HYDIN: variants seen among roughly 807,000 people sequenced by gnomAD.
HYDIN encodes HYDIN axonemal central pair apparatus protein.
In HYDIN, 132 loss-of-function variants were observed where a neutral mutation model predicts 403.9. The observed-to-expected ratio is 0.33, with a 90% CI of 0.28 to 0.38. The LOEUF is 0.38. Among genes scored for constraint, HYDIN ranks in the 10% least tolerant of loss-of-function variants. The pLI is 1.00. For synonymous variants in HYDIN, 1,202 were observed against 1,891.7 expected, an observed-to-expected ratio of 0.64 and a Z score of 9.46; for missense variants, 2,827 against 5,009.5, an observed-to-expected ratio of 0.56 and a Z score of 13.15.
intron 1 of HYDIN, among the ~76,000 whole-genome samples, chr16:71,229,059 A>T (rs1422894385): frequency 6.6e-6 from 1 of 151,560 alleles, no homozygotes; most frequent in Non-Finnish European, 1.5e-5. Context: ...CACAAGGACA[A>T]AAAACCAAAC....
chr16:70,877,041 G>C (rs982910755), intron 62 of HYDIN, among the ~76,000 whole-genome samples: 3 of 150,380 alleles, frequency 2.0e-5, no homozygotes, highest in African/African-American at 7.5e-5. Flanking sequence ...GAAATTCTAA[G>C]ACTGAAAAAT....
At chr16:71,007,160 T>C (rs1218718814) in intron 23 of HYDIN, among the ~76,000 whole-genome samples, 1 of 151,956 alleles carries the variant, frequency 6.6e-6, no homozygotes, top group East Asian at 1.9e-4. Flanking sequence ...ATAATAACAG[T>C]GTTTCCTAAA....
At position 70,832,745 on chromosome 16, in the gene HYDIN, C is replaced by T. The variant is rs1266452413; in HGVS notation, c.13899+103G>A. 48 of 816,012 alleles carry T rather than the reference C, an allele frequency of 5.9e-5. No individual in the cohort carries two copies. In the East Asian group the frequency reaches 1.1e-3, roughly 19 times the overall value. The allele number at this position is 816,012 out of a possible 1,614,324, so 50.5% of individuals were successfully genotyped here. A position where few individuals can be genotyped will look rare whatever the true frequency, so the allele number is the denominator to read the frequency against. On this transcript the variant is annotated intron_variant, in intron 80 of 85. Transcript: ENST00000393567. ...GTGGAAACGGTGTATTCACAGGCCT[C>T]GTGGAGGGAGGGGGCAGGCCTGCCT...
intron 13 of HYDIN, among the ~76,000 whole-genome samples, chr16:71,074,027 A>G (rs4528578): frequency 0.03 from 4,572 of 152,238 alleles, 185 homozygotes; most frequent in African/African-American, 0.1. Context: ...TGCAAAATCC[A>G]TATCTTCACC....
intron 1 of HYDIN, among the ~76,000 whole-genome samples, chr16:71,229,928 T>G (rs2041207147): frequency 1.3e-5 from 2 of 152,096 alleles, no homozygotes; most frequent in African/African-American, 4.8e-5. Context: ...AACTTAATCA[T>G]GGGGGTGGGT....
At chr16:71,094,618 A>G (rs369648762) in intron 10 of HYDIN, among the ~76,000 whole-genome samples, 2,868 of 152,336 alleles carry the variant, frequency 0.019, 10 homozygotes, top group African/African-American at 0.063. Flanking sequence ...CTACAAAAAG[A>G]CTATCTCTTC....
At chr16:71,125,927 C>A (rs2084436279) in intron 9 of HYDIN, among the ~76,000 whole-genome samples, 4 of 150,992 alleles carry the variant, frequency 2.6e-5, no homozygotes, top group Admixed American at 2.0e-4. Flanking sequence ...CACTATCTGA[C>A]CTGCACCACC....
chr16:71,185,035 A>T, intron 2 of HYDIN, 45 bp from the exon 3 acceptor site: 1 of 1,456,356 alleles, frequency 6.9e-7, no homozygotes, highest in Non-Finnish European at 9.3e-7. Flanking sequence ...AAGTGGATGT[A>T]CTGAAAAAGT....
At chr16:70,841,580 G>A (rs1186536308) in intron 75 of HYDIN, among the ~76,000 whole-genome samples, 1 of 151,998 alleles carries the variant, frequency 6.6e-6, no homozygotes, top group Non-Finnish European at 1.5e-5. Context: ...GATGGTATTG[G>A]GAAGTGGGAC....
chr16:71,010,612 G>T, intron 23 of HYDIN, among the ~76,000 whole-genome samples: 1 of 151,912 alleles, frequency 6.6e-6, no homozygotes, highest in Non-Finnish European at 1.5e-5. Context: ...CAAGAGCCGA[G>T]GCTCAGGGAG....
At position 70,970,595 on chromosome 16, in the gene HYDIN, T is replaced by G. The variant is rs752435040; in HGVS notation, c.5544A>C (p.Ile1848=). 6.6e-6 allele frequency: 9 copies of G among 1,358,424 alleles called. No individual in the cohort carries two copies. The South Asian group carries it at 1.1e-4, about 16-fold the overall frequency. 84.1% of individuals were successfully genotyped at this position (1,358,424 alleles called of 1,614,324 possible). A position where few individuals can be genotyped will look rare whatever the true frequency, so the allele number is the denominator to read the frequency against. Residue 1848 remains isoleucine (I), a synonymous_variant, in exon 36 of 86, where the codon ATA becomes ATC. Transcript: ENST00000393567. The stretch of plus-strand genomic sequence containing the variant: ...TGGGGAAGTTGCAGGGATTCTTCAC[T>G]ATCACCTCGGCCTCGTCTCCAGGTG... ...LCAPGDEAEV[I]VKNPCNFPIE... is the part of the protein sequence containing the mutation.
In HYDIN at chr16:70,986,253, T is replaced by C. The variant is rs1277556488; in HGVS notation, c.4195-931A>G. ...AACCATGGGTGTAACAGGCCAGTCA[T>C]GTTCTTTTTCCTGGAATTTTGCTAA... On this transcript the variant is annotated intron_variant, in intron 27 of 85. Transcript: ENST00000393567. Among the ~76,000 whole-genome samples the C allele has an allele frequency of 2.7e-5, 4 of 146,578 alleles. No homozygotes were observed. The East Asian group carries it at 8.0e-4, about 29-fold the overall frequency.
chr16:70,877,129 A>T (rs2040493286), intron 62 of HYDIN, among the ~76,000 whole-genome samples: 1 of 149,484 alleles, frequency 6.7e-6, no homozygotes. Flanking sequence ...AACTGAAGAC[A>T]GGTCAAAAGA....
chr16:70,950,361 G>A (rs531650096), intron 41 of HYDIN, among the ~76,000 whole-genome samples: 11 of 151,868 alleles, frequency 7.2e-5, no homozygotes, highest in African/African-American at 2.7e-4. Flanking sequence ...AGTGATTCTC[G>A]TGCTTCAGCC....
At chr16:71,082,114 C>CA (rs1266748523) in intron 12 of HYDIN, among the ~76,000 whole-genome samples, 1 of 151,242 alleles carries the variant, frequency 6.6e-6, no homozygotes, top group Non-Finnish European at 1.5e-5. Flanking sequence ...AAGTAAGAAA[C>CA]AAAATTCCAG....
chr16:70,943,868 T>C lies in HYDIN; in HGVS notation c.6613A>G (p.Met2205Val). The C allele has an allele frequency of 6.2e-7, 1 of 1,613,740 alleles. No individual in the cohort carries two copies. The part of the protein sequence containing the change: ...SPSVGGETGL[M>V]SCVLPDELLV... Reference sequence around the variant, plus strand: ...AGTTCATCCGGGAGCACACAGCTCATCAGCCCGGTCTCGCCTCCGACACTG... The same window carrying C: ...AGTTCATCCGGGAGCACACAGCTCACCAGCCCGGTCTCGCCTCCGACACTG... Residue 2205 changes from methionine to valine, a missense_variant, in exon 42 of 86, where the codon ATG becomes GTG. Physicochemically the swap from Met to Val is conservative, Grantham distance 21. Coordinates refer to ENST00000393567, the MANE Select transcript of HYDIN (RefSeq NM_001270974.2).
intron 1 of HYDIN, among the ~76,000 whole-genome samples, chr16:71,191,674 T>C (rs2087445057): frequency 6.6e-6 from 1 of 152,046 alleles, no homozygotes; most frequent in African/African-American, 2.4e-5. Context: ...TTTCCTTTAT[T>C]AGCTCTCTTC....
At chr16:71,136,461 C>T (rs1353860766) in intron 8 of HYDIN, among the ~76,000 whole-genome samples, 4 of 151,882 alleles carry the variant, frequency 2.6e-5, no homozygotes, top group African/African-American at 9.7e-5. Flanking sequence ...TTTAGGAACG[C>T]TTTATAAAAG....
At chr16:71,136,789 A>T (rs1008631074) in intron 8 of HYDIN, among the ~76,000 whole-genome samples, 1 of 151,232 alleles carries the variant, frequency 6.6e-6, no homozygotes, top group Non-Finnish European at 1.5e-5. Flanking sequence ...AACAAAAAAA[A>T]CAAAAAAAAA....
Sources: allele counts gnomAD v4.1 joint callset (sites outside exome capture counted in the v4.1 genomes callset), GRCh38; gene constraint gnomAD v4.1.1; transcripts MANE v1.5; gene names NCBI Gene and HGNC (gene_info 2026-07-23, HGNC 2026-07-21).